NPAS2: variants seen among roughly 807,000 people sequenced by gnomAD.
NPAS2 encodes neuronal PAS domain-containing protein 2.
A neutral mutation model predicts 107.5 loss-of-function variants in NPAS2; 23 were observed. That is an observed-to-expected ratio of 0.21 (90% confidence interval 0.15 to 0.30). The LOEUF is 0.30. NPAS2 is among the 10% of genes least tolerant of loss of function. The pLI, the probability that NPAS2 is intolerant of heterozygous loss-of-function variation, is 1.00. For synonymous variants in NPAS2, 403 were observed against 417.5 expected (o/e 0.97, Z 0.42); for missense variants, 756 against 1,043.3 (o/e 0.72, Z 3.79).
intron 1 of NPAS2, among the ~76,000 whole-genome samples, chr2:100,856,973 G>T (rs1372354875): frequency 6.6e-6 from 1 of 152,202 alleles, no homozygotes; most frequent in African/African-American, 2.4e-5. Flanking sequence ...GGCTGGTGCG[G>T]CATGGATAGG....
chr2:100,989,701 A>G (rs1677998178), intron 17 of NPAS2: 1 of 152,358 alleles, frequency 6.6e-6, no homozygotes, highest in African/African-American at 2.4e-5. Context: ...AAAAAAGAAA[A>G]AAGAATTTCT....
chr2:100,962,082 A>G (rs2105138467), intron 7 of NPAS2, among the ~76,000 whole-genome samples: 1 of 152,254 alleles, frequency 6.6e-6, no homozygotes, highest in Non-Finnish European at 1.5e-5. Flanking sequence ...CTTCCCTTTG[A>G]TAAGTTTCTT....
At chr2:100,953,393 A>C (rs1455069515) in intron 7 of NPAS2, among the ~76,000 whole-genome samples, 2 of 151,582 alleles carry the variant, frequency 1.3e-5, no homozygotes, top group Non-Finnish European at 2.9e-5. Context: ...AAAAAAAACA[A>C]AAAAAACACC....
At chr2:100,930,380 A>G (rs1261431212) in intron 3 of NPAS2, among the ~76,000 whole-genome samples, 1 of 152,182 alleles carries the variant, frequency 6.6e-6, no homozygotes, top group African/African-American at 2.4e-5. Context: ...CATCCCAAAC[A>G]TATACTGCTT....
At chr2:100,837,280 C>A (rs1340894573) in intron 1 of NPAS2, among the ~76,000 whole-genome samples, 2 of 152,134 alleles carry the variant, frequency 1.3e-5, no homozygotes, top group African/African-American at 4.8e-5. Context: ...TATTCTCTTT[C>A]TTATACCTAA....
intron 7 of NPAS2, among the ~76,000 whole-genome samples, chr2:100,961,203 G>A (rs953479501): frequency 6.6e-6 from 1 of 152,186 alleles, no homozygotes; most frequent in African/African-American, 2.4e-5. Flanking sequence ...GATACAAAGT[G>A]CCAGAGAAGT....
In NPAS2 at chr2:100,895,338, A is replaced by G. The variant is rs150521657; in HGVS notation, c.-22-9395A>G. Among the ~76,000 whole-genome samples the G allele has an allele frequency of 1.6e-3, 237 of 152,326 alleles. 4 individuals carry two copies. The highest frequency in any genetic ancestry group is 5.0e-4 in the Non-Finnish European group (34 of 68,022). On this transcript the variant is annotated intron_variant, in intron 1 of 20. Transcript: ENST00000335681. ...ACTCTCTTATGCTGTCTCACAGCCAAACAGTGAGAAAAGCTCTTCTGTTCT... is the reference window on the plus strand; with the variant it reads ...ACTCTCTTATGCTGTCTCACAGCCAGACAGTGAGAAAAGCTCTTCTGTTCT...
rs58228575 is a variant in NPAS2 at position 100,866,960 on chromosome 2, A to C, written c.-22-37773A>C. Among the ~76,000 whole-genome samples, 888 of 152,306 alleles carry C rather than the reference A, an allele frequency of 5.8e-3. 52 individuals are homozygous for C. In the East Asian group the frequency reaches 0.14, roughly 23 times the overall value. Reference sequence around the variant, plus strand: ...TGTTCTTTGGGGTGACATTAAGCACACCATTTTAAAGAGAGTCATTTACAG... The same window carrying C: ...TGTTCTTTGGGGTGACATTAAGCACCCCATTTTAAAGAGAGTCATTTACAG... On this transcript the variant is annotated intron_variant, in intron 1 of 20. Coordinates refer to ENST00000335681, the MANE Select transcript of NPAS2 (RefSeq NM_002518.4).
At chr2:100,841,435 C>T (rs965949819) in intron 1 of NPAS2, among the ~76,000 whole-genome samples, 4 of 152,080 alleles carry the variant, frequency 2.6e-5, no homozygotes, top group African/African-American at 9.7e-5. Flanking sequence ...AGCGAAACTC[C>T]GTCTCAAAAG....
chr2:100,878,723 A>G, intron 1 of NPAS2: 1 of 453,292 alleles, frequency 2.2e-6, no homozygotes, highest in Non-Finnish European at 2.9e-6. Flanking sequence ...TATAAGGGAG[A>G]GATGTTTACT....
rs115140840 is a variant in NPAS2, at chr2:100,821,743, G to A, written c.-23+1329G>A. 3.2e-3 allele frequency among the ~76,000 whole-genome samples: 483 copies of A among 152,232 alleles called. 6 individuals carry two copies. Among genetic ancestry groups the A allele is most frequent in the African/African-American group, 0.011 (457 of 41,522 alleles). On this transcript the variant is annotated intron_variant, in intron 1 of 20. Transcript: ENST00000335681. ...TGGGAGGCACTGTTCACATTCAAGCGCACACACTAGCTCCATCTTCCTGCC... is the reference window on the plus strand; with the variant it reads ...TGGGAGGCACTGTTCACATTCAAGCACACACACTAGCTCCATCTTCCTGCC...
At chr2:100,962,660 G>A (rs927579576) in intron 7 of NPAS2, 13 of 152,200 alleles carry the variant, frequency 8.5e-5, no homozygotes, top group Admixed American at 6.5e-4. Context: ...AGAGTTCCAC[G>A]TACGTAGTAA....
intron 5 of NPAS2, among the ~76,000 whole-genome samples, chr2:100,939,224 T>C (rs747984937): frequency 2.0e-5 from 3 of 152,188 alleles, no homozygotes; most frequent in Non-Finnish European, 4.4e-5. Context: ...CATTTTTCTT[T>C]GCATTCGCTG....
intron 2 of NPAS2, among the ~76,000 whole-genome samples, chr2:100,923,286 G>C (rs1422600794): frequency 6.6e-6 from 1 of 152,168 alleles, no homozygotes; most frequent in African/African-American, 2.4e-5. Flanking sequence ...GTAAAGGGTA[G>C]TGACCACACA....
intron 1 of NPAS2, among the ~76,000 whole-genome samples, chr2:100,854,188 G>A (rs1678411440): frequency 2.0e-5 from 3 of 146,970 alleles, no homozygotes; most frequent in Admixed American, 2.0e-4. Context: ...AAAAAAGATG[G>A]AGTCCTGCCT....
chr2:100,919,261 C>G (rs1683075361), intron 2 of NPAS2, among the ~76,000 whole-genome samples: 1 of 152,236 alleles, frequency 6.6e-6, no homozygotes, highest in African/African-American at 2.4e-5. Context: ...GTAGAGAGCT[C>G]TCTCTCGTCT....
intron 1 of NPAS2, among the ~76,000 whole-genome samples, chr2:100,874,469 C>T (rs973812532): frequency 2.0e-5 from 3 of 151,938 alleles, no homozygotes; most frequent in African/African-American, 4.8e-5. Context: ...GGGCTGGGCA[C>T]GGTGGCTCAT....
At chr2:100,908,093 G>A (rs1361789951) in intron 2 of NPAS2, among the ~76,000 whole-genome samples, 1 of 152,126 alleles carries the variant, frequency 6.6e-6, no homozygotes, top group African/African-American at 2.4e-5. Context: ...AGCAGGAAGT[G>A]CGCAGGGTTA....
intron 15 of NPAS2, among the ~76,000 whole-genome samples, chr2:100,978,090 A>AT (rs151328676): frequency 0.016 from 2,472 of 152,116 alleles, 70 homozygotes; most frequent in African/African-American, 0.055. Context: ...GATTTCTGAG[A>AT]TTTGTGTACC....
Sources: allele counts gnomAD v4.1 joint callset (sites outside exome capture counted in the v4.1 genomes callset), GRCh38; gene constraint gnomAD v4.1.1; transcripts MANE v1.5; gene names NCBI Gene and HGNC (gene_info 2026-07-23, HGNC 2026-07-21).